SCN8A: variants seen among roughly 807,000 people sequenced by gnomAD.
The protein encoded by SCN8A is sodium voltage-gated channel alpha subunit 8.
A neutral mutation model predicts 184.1 loss-of-function variants in SCN8A; 30 were observed. That is an observed-to-expected ratio of 0.16 (90% CI 0.12 to 0.22). The LOEUF is 0.22. Among genes scored for constraint, SCN8A ranks in the 10% least tolerant of loss-of-function variants. The probability of loss-of-function intolerance (pLI) is 1.00; values close to 1 mark genes in which losing one functional copy is unlikely to be tolerated. For synonymous variants in SCN8A, 852 were observed against 907.0 expected (o/e 0.94, Z 1.09); for missense variants, 1,057 against 2,498.9 (o/e 0.42, Z 12.30).
At chr12:51,750,897 C>T (rs952288644) in intron 13 of SCN8A, among the ~76,000 whole-genome samples, 15 of 152,138 alleles carry the variant, frequency 9.9e-5, no homozygotes, top group Non-Finnish European at 1.6e-4. Flanking sequence ...GAGGATTTAC[C>T]CTGTGCCAGA....
chr12:51,689,305 C>A, intron 6 of SCN8A: 1 of 540,440 alleles, frequency 1.9e-6, no homozygotes, highest in East Asian at 2.9e-5. Flanking sequence ...CCATTCCATC[C>A]ATGCTATTGA....
intron 13 of SCN8A, among the ~76,000 whole-genome samples, chr12:51,746,264 G>C (rs1451456652): frequency 6.6e-6 from 1 of 152,142 alleles, no homozygotes; most frequent in African/African-American, 2.4e-5. Flanking sequence ...ACACAGGTAC[G>C]TAAGAGATAG....
chr12:51,599,129 A>G (rs1939410723), intron 1 of SCN8A, among the ~76,000 whole-genome samples: 1 of 152,188 alleles, frequency 6.6e-6, no homozygotes, highest in African/African-American at 2.4e-5. Flanking sequence ...GTGAATTCTA[A>G]ATCGCCTGCT....
At chr12:51,721,447 G>A in intron 11 of SCN8A, 99 bp from the exon 12 acceptor site, 2 of 1,291,626 alleles carry the variant, frequency 1.5e-6, no homozygotes, top group Non-Finnish European at 1.0e-6. Flanking sequence ...GAGTGCGAGG[G>A]TGGGGCCGGC....
At chr12:51,710,253 T>C (rs1272010212) in intron 11 of SCN8A, among the ~76,000 whole-genome samples, 2 of 152,166 alleles carry the variant, frequency 1.3e-5, no homozygotes, top group Non-Finnish European at 2.9e-5. Flanking sequence ...GTGTTCATTC[T>C]CCAGTCTCTG....
At chr12:51,649,486 TTC>T (rs1243660182) in intron 1 of SCN8A, among the ~76,000 whole-genome samples, 1 of 152,194 alleles carries the variant, frequency 6.6e-6, no homozygotes, top group Non-Finnish European at 1.5e-5. Flanking sequence ...ATCCCGGCAT[TTC>T]CTTACATCTT....
At chr12:51,616,830 G>A (rs1303741379) in intron 1 of SCN8A, among the ~76,000 whole-genome samples, 1 of 151,272 alleles carries the variant, frequency 6.6e-6, no homozygotes, top group East Asian at 1.9e-4. Flanking sequence ...GAGGTGGGAG[G>A]ATCACTTGAG....
chr12:51,664,842 C>T (rs781503085), intron 2 of SCN8A, among the ~76,000 whole-genome samples: 3 of 152,056 alleles, frequency 2.0e-5, no homozygotes, highest in African/African-American at 4.8e-5. Context: ...GTATTAAGCC[C>T]GGCATCTATT....
chr12:51,745,839 A>T (rs1942501023), intron 12 of SCN8A, 64 bp from the exon 13 acceptor site: 1 of 1,371,208 alleles, frequency 7.3e-7, no homozygotes, highest in South Asian at 1.6e-5. Flanking sequence ...GTATCAAGTA[A>T]GGCCCAGATT....
At chr12:51,745,578 T>A in intron 12 of SCN8A, among the ~76,000 whole-genome samples, 1 of 152,238 alleles carries the variant, frequency 6.6e-6, no homozygotes, top group East Asian at 1.9e-4. Flanking sequence ...ACTCAGGGTC[T>A]ACTTCGGATG....
intron 1 of SCN8A, among the ~76,000 whole-genome samples, chr12:51,599,290 A>G (rs1939414277): frequency 6.6e-6 from 1 of 152,218 alleles, no homozygotes; most frequent in Non-Finnish European, 1.5e-5. Flanking sequence ...GTTGATGATT[A>G]AAAAGTTGGA....
intron 2 of SCN8A, among the ~76,000 whole-genome samples, chr12:51,681,825 T>C (rs1308024867): frequency 6.6e-6 from 1 of 152,128 alleles, no homozygotes; most frequent in Non-Finnish European, 1.5e-5. Context: ...AAAAGAACTT[T>C]AAAAAACATC....
chr12:51,634,661 T>A (rs890853105), intron 1 of SCN8A, among the ~76,000 whole-genome samples: 5 of 146,690 alleles, frequency 3.4e-5, no homozygotes, highest in African/African-American at 1.2e-4. Flanking sequence ...TTATTATTTT[T>A]TTTTTTTGAG....
chr12:51,760,983 T>A (rs1027509266), intron 14 of SCN8A, among the ~76,000 whole-genome samples: 2 of 152,248 alleles, frequency 1.3e-5, no homozygotes, highest in Non-Finnish European at 2.9e-5. Context: ...GTTCTCAGAC[T>A]ATATCTTCAG....
chr12:51,635,768 C>T (rs931885138), intron 1 of SCN8A, among the ~76,000 whole-genome samples: 1 of 152,098 alleles, frequency 6.6e-6, no homozygotes, highest in African/African-American at 2.4e-5. Context: ...GGTGGTTCCT[C>T]CTTCATTTTA....
In SCN8A at chr12:51,668,246, T is replaced by A. The variant is rs148246893; in HGVS notation, c.276+5153T>A. On this transcript the variant is annotated intron_variant, in intron 2 of 26. Transcript: ENST00000627620. ...TTCAGTTTACCTTCAACTTTTCAGGTGTACCTTTTTCTGCAAAGAGATATC... is the reference window on the plus strand; with the variant it reads ...TTCAGTTTACCTTCAACTTTTCAGGAGTACCTTTTTCTGCAAAGAGATATC... Among the ~76,000 whole-genome samples, 30 of 152,116 alleles carry A rather than the reference T, an allele frequency of 2.0e-4. No individual in the cohort carries two copies. In the East Asian group the frequency reaches 5.4e-3, roughly 27 times the overall value.
chr12:51,794,264 C>A, intron 25 of SCN8A, 107 bp from the exon 26 acceptor site: 1 of 1,082,256 alleles, frequency 9.2e-7, no homozygotes, highest in Non-Finnish European at 1.3e-6. Flanking sequence ...ACCAGTATTA[C>A]AGAAAAGGAG....
intron 1 of SCN8A, among the ~76,000 whole-genome samples, chr12:51,653,728 T>C (rs1331018832): frequency 6.6e-6 from 1 of 152,214 alleles, no homozygotes; most frequent in African/African-American, 2.4e-5. Context: ...CTTAATTTTT[T>C]TGAGGAACTG....
chr12:51,678,901 C>G (rs1418253166), intron 2 of SCN8A, among the ~76,000 whole-genome samples: 13 of 148,964 alleles, frequency 8.7e-5, no homozygotes, highest in Non-Finnish European at 1.1e-4. Context: ...CACGGTGAAA[C>G]CCCGTCTCTA....
Sources: gnomAD v4.1 joint callset for allele counts (sites outside exome capture counted in the v4.1 genomes callset) on GRCh38, gnomAD v4.1.1 for gene constraint, MANE v1.5 for transcripts, NCBI Gene and HGNC (gene_info 2026-07-23, HGNC 2026-07-21) for gene names.